The following CDK5RAP2 variants were observed in gnomAD, a reference collection of about 807,000 sequenced individuals.
The protein encoded by CDK5RAP2 is CDK5 regulatory subunit associated protein 2.
A neutral mutation model predicts 232.9 loss-of-function variants in CDK5RAP2; 147 were observed. The observed-to-expected ratio is 0.63, with a 90% CI of 0.55 to 0.72. The LOEUF (loss-of-function observed/expected upper bound fraction) is 0.72, where lower values mean the gene tolerates loss of function less well. Ranked by LOEUF, CDK5RAP2 falls within the 30% of genes least tolerant of loss-of-function variation. The probability of loss-of-function intolerance (pLI) is 0.00; values close to 1 mark genes in which losing one functional copy is unlikely to be tolerated. For synonymous variants in CDK5RAP2, 833 were observed against 833.7 expected (o/e 1.00, Z 0.01); for missense variants, 2,195 against 2,231.5 (o/e 0.98, Z 0.33).
rs867489476 is a variant in CDK5RAP2 at position 120,411,457 on chromosome 9, C to T, written c.4315G>A (p.Ala1439Thr). The change falls in exon 29 of 38, where the codon GCT (alanine) becomes ACT (threonine). Residue 1439 changes from alanine to threonine, a missense_variant. Physicochemically the swap from Ala to Thr is moderately conservative, Grantham distance 58. Transcript: ENST00000349780. Reference protein sequence around the residue: ...EFVQGSTSIFASGSELHSSLT... With the variant: ...EFVQGSTSIFTSGSELHSSLT... ...GAACTATGAAGCTCTGAACCAGAAG[C>T]AAAAATGCTTGTAGAACCTATAAAA... 1 of 1,605,672 alleles carries T rather than the reference C, an allele frequency of 6.2e-7. No homozygotes were observed.
intron 25 of CDK5RAP2, among the ~76,000 whole-genome samples, chr9:120,426,460 C>G (rs1480935147): frequency 1.3e-5 from 2 of 152,186 alleles, no homozygotes; most frequent in Non-Finnish European, 2.9e-5. Flanking sequence ...AAACATTTTT[C>G]TGATTGGCAC....
chr9:120,435,494 CACACACA>C (rs2035527140), intron 25 of CDK5RAP2, among the ~76,000 whole-genome samples: 1 of 151,830 alleles, frequency 6.6e-6, no homozygotes, highest in African/African-American at 2.4e-5. Flanking sequence ...CACACACACA[CACACACA>C]CGCCTGCTAA....
At chr9:120,574,250 T>C (rs1372912206) in intron 1 of CDK5RAP2, among the ~76,000 whole-genome samples, 1 of 152,188 alleles carries the variant, frequency 6.6e-6, no homozygotes, top group Non-Finnish European at 1.5e-5. Flanking sequence ...TTTAAAATGC[T>C]ATGAATCTGT....
intron 24 of CDK5RAP2, 133 bp downstream of exon 24, chr9:120,439,263 CCCA>C (rs986897154): frequency 3.6e-6 from 3 of 830,052 alleles, no homozygotes; most frequent in Non-Finnish European, 4.1e-6. Context: ...CTGCCTGAAC[CCCA>C]CCATCAAGCC....
chr9:120,455,289 C>T lies in CDK5RAP2; in HGVS notation c.2376-1416G>A, dbSNP rs116300009. ...GGAACAGTCTAAGCATGGAAAACAA[C>T]GTGAACAGAGTCAAGTAGCCAAGAA... is the stretch of plus-strand genomic sequence containing the variant. On this transcript the variant is annotated intron_variant, in intron 20 of 37. Coordinates refer to ENST00000349780, the MANE Select transcript of CDK5RAP2 (RefSeq NM_018249.6). Among the ~76,000 whole-genome samples, 463 of 149,312 alleles carry T rather than the reference C, an allele frequency of 3.1e-3. 1 individual carries two copies. Among genetic ancestry groups the T allele is most frequent in the African/African-American group, 0.01 (420 of 40,374 alleles).
intron 11 of CDK5RAP2, among the ~76,000 whole-genome samples, chr9:120,522,179 G>T (rs959597162): frequency 6.6e-6 from 1 of 152,160 alleles, no homozygotes; most frequent in African/African-American, 2.4e-5. Flanking sequence ...ACAAATAAAT[G>T]CATGTCAACT....
rs190901616 is a variant in CDK5RAP2 at position 120,471,055 on chromosome 9, C to T, written c.1858+693G>A. On this transcript the variant is annotated intron_variant, in intron 16 of 37. Transcript: ENST00000349780. ...CCTAATGAGATGACTGTGAGGATCA[C>T]AGGTGAAAAGTTAGGTGCCTAGCAC... 5.3e-5 allele frequency among the ~76,000 whole-genome samples: 8 copies of T among 152,308 alleles called. No homozygotes were observed. The East Asian group carries it at 1.5e-3, about 29-fold the overall frequency.
intron 1 of CDK5RAP2, among the ~76,000 whole-genome samples, chr9:120,573,928 T>C (rs186264885): frequency 1.6e-4 from 25 of 152,318 alleles, no homozygotes; most frequent in Non-Finnish European, 1.9e-4. Flanking sequence ...ATACACCAGG[T>C]TATTGGCCAA....
At chr9:120,528,024 T>C in intron 9 of CDK5RAP2, 99 bp from the exon 10 acceptor site, 1 of 1,455,738 alleles carries the variant, frequency 6.9e-7, no homozygotes. Context: ...AGTTATTCTA[T>C]CTTATTCCTG....
intron 12 of CDK5RAP2, among the ~76,000 whole-genome samples, chr9:120,496,852 C>G (rs1334314731): frequency 7.1e-6 from 1 of 141,052 alleles, no homozygotes; most frequent in South Asian, 2.2e-4. Context: ...TCTGCCCGGC[C>G]GCCCCTACTG....
chr9:120,547,593 G>C (rs901334056), intron 4 of CDK5RAP2, among the ~76,000 whole-genome samples: 2 of 151,534 alleles, frequency 1.3e-5, no homozygotes, highest in African/African-American at 4.9e-5. Flanking sequence ...GACAGAGCGA[G>C]ACTCCATCTC....
At chr9:120,539,573 A>G (rs925183517) in intron 5 of CDK5RAP2, among the ~76,000 whole-genome samples, 4 of 152,336 alleles carry the variant, frequency 2.6e-5, no homozygotes, top group South Asian at 2.1e-4. Context: ...TCAATTCTCT[A>G]TTTTTACAAC....
rs2043193243 is a variant in CDK5RAP2 at position 120,580,144 on chromosome 9, C to A, written c.-166G>T. On this transcript the variant is annotated 5_prime_UTR_variant, in exon 1 of 38. Coordinates refer to ENST00000349780, the MANE Select transcript of CDK5RAP2 (RefSeq NM_018249.6). The stretch of plus-strand genomic sequence containing the variant: ...TCAAACCACAGACGCCGCCATCTTT[C>A]CCGGCGCTTCTTCCTACGGAAACGA... 31 of 586,974 alleles carry A rather than the reference C, an allele frequency of 5.3e-5. No individual in the cohort carries two copies. In the South Asian group the frequency reaches 6.2e-4, roughly 12 times the overall value. The allele number at this position is 586,974 out of a possible 1,614,324, so 36.4% of individuals were successfully genotyped here.
intron 31 of CDK5RAP2, chr9:120,407,857 G>A (rs1432158580): frequency 4.0e-5 from 10 of 248,942 alleles, no homozygotes; most frequent in African/African-American, 1.3e-4. Context: ...TGCCCAGCAC[G>A]TGAGAGGTGT....
chr9:120,432,511 G>A (rs970806958), intron 25 of CDK5RAP2, among the ~76,000 whole-genome samples: 6 of 152,128 alleles, frequency 3.9e-5, no homozygotes, highest in African/African-American at 1.4e-4. Flanking sequence ...TGATAAGCTT[G>A]TTTCATAATT....
chr9:120,475,324 C>A (rs1167325912), intron 15 of CDK5RAP2, among the ~76,000 whole-genome samples: 1 of 152,150 alleles, frequency 6.6e-6, no homozygotes, highest in African/African-American at 2.4e-5. Context: ...TTGTTAGTCC[C>A]GGTTAGTCTT....
At chr9:120,429,749 G>GA (rs1456496665) in intron 25 of CDK5RAP2, among the ~76,000 whole-genome samples, 1 of 152,108 alleles carries the variant, frequency 6.6e-6, no homozygotes, top group Non-Finnish European at 1.5e-5. Flanking sequence ...CACAGAACTG[G>GA]AAAAAATGAT....
At chr9:120,482,369 G>A (rs1247783234) in intron 14 of CDK5RAP2, among the ~76,000 whole-genome samples, 5 of 152,018 alleles carry the variant, frequency 3.3e-5, no homozygotes, top group Middle Eastern at 3.2e-3. Flanking sequence ...AAGATTCCTC[G>A]GAATTTTCAG....
At chr9:120,497,898 C>A (rs921495166) in intron 12 of CDK5RAP2, among the ~76,000 whole-genome samples, 2 of 152,158 alleles carry the variant, frequency 1.3e-5, no homozygotes, top group Non-Finnish European at 2.9e-5. Flanking sequence ...CCCTGATGCA[C>A]CATAATCTAA....
Sources: allele counts gnomAD v4.1 joint callset (sites outside exome capture counted in the v4.1 genomes callset), GRCh38; gene constraint gnomAD v4.1.1; transcripts MANE v1.5; gene names NCBI Gene and HGNC (gene_info 2026-07-23, HGNC 2026-07-21).